BCO1: variants seen among roughly 807,000 people sequenced by gnomAD.
BCO1 encodes the protein beta,beta-carotene 15,15'-dioxygenase.
Under a neutral mutation model 56.3 loss-of-function variants are expected in BCO1, and 54 were observed. That is an observed-to-expected ratio of 0.96 (90% CI 0.77 to 1.20). The LOEUF (loss-of-function observed/expected upper bound fraction) is 1.20, where lower values mean the gene tolerates loss of function less well. BCO1 is among the 50% of genes most tolerant of loss of function. The pLI is 0.00. For missense variants in BCO1, 801 were observed against 690.9 expected, an observed-to-expected ratio of 1.16 and a Z score of -1.79; for synonymous variants, 318 against 266.1, an observed-to-expected ratio of 1.20 and a Z score of -1.90.
At chr16:81,277,134 G>C (rs1457169576) in intron 7 of BCO1, among the ~76,000 whole-genome samples, 1 of 151,520 alleles carries the variant, frequency 6.6e-6, no homozygotes, top group African/African-American at 2.4e-5. Flanking sequence ...GCTAGCGATT[G>C]CCGTTTGGGA....
chr16:81,288,814 C>A (rs1908319401), intron 10 of BCO1, among the ~76,000 whole-genome samples: 1 of 152,198 alleles, frequency 6.6e-6, no homozygotes, highest in African/African-American at 2.4e-5. Context: ...GCCACACCTG[C>A]AAGGAGGGCA....
At chr16:81,251,841 C>A (rs571423974) in intron 2 of BCO1, among the ~76,000 whole-genome samples, 1 of 147,690 alleles carries the variant, frequency 6.8e-6, no homozygotes, top group Admixed American at 6.8e-5. Context: ...TACCCACACA[C>A]ACACACACAC....
intron 1 of BCO1, among the ~76,000 whole-genome samples, chr16:81,242,113 C>A (rs547458649): frequency 1.5e-4 from 23 of 151,984 alleles, no homozygotes; most frequent in South Asian, 4.2e-4. Context: ...TTTCTCAAGC[C>A]TGCCCCCTCT....
chr16:81,261,630 T>C (rs1450436927), intron 3 of BCO1, among the ~76,000 whole-genome samples: 1 of 152,188 alleles, frequency 6.6e-6, no homozygotes, highest in African/African-American at 2.4e-5. Flanking sequence ...TCCGGCCGAC[T>C]CATTTCTTAG....
intron 1 of BCO1, among the ~76,000 whole-genome samples, chr16:81,243,426 T>C (rs895169889): frequency 6.6e-6 from 1 of 151,848 alleles, no homozygotes; most frequent in East Asian, 1.9e-4. Flanking sequence ...CCAGTCTTAC[T>C]AAACAGCTTG....
chr16:81,266,321 C>T (rs1317142076), intron 5 of BCO1, among the ~76,000 whole-genome samples: 1 of 152,178 alleles, frequency 6.6e-6, no homozygotes, highest in Non-Finnish European at 1.5e-5. Flanking sequence ...GTCCAGGACC[C>T]TCCTGGGAAC....
chr16:81,239,444 T>G lies in BCO1; in HGVS notation c.64+472T>G, dbSNP rs74029090. ...ACATTTTCTGTGAAAATCTAGGTAT[T>G]CTTTTACACATTATAACTCCGTTTG... On this transcript the variant is annotated intron_variant, in intron 1 of 10. Coordinates refer to ENST00000258168, the MANE Select transcript of BCO1 (RefSeq NM_017429.3). Among the ~76,000 whole-genome samples the G allele has an allele frequency of 7.5e-3, 1,145 of 152,264 alleles. 16 individuals are homozygous for G. The highest frequency in any genetic ancestry group is 0.026 in the African/African-American group (1,100 of 41,548).
At chr16:81,266,165 T>C (rs917912019) in intron 5 of BCO1, among the ~76,000 whole-genome samples, 3 of 152,230 alleles carry the variant, frequency 2.0e-5, no homozygotes, top group South Asian at 2.1e-4. Context: ...AGCTCAGTCC[T>C]GCTGGGATCC....
chr16:81,257,303 C>T (rs1008092646), intron 2 of BCO1, among the ~76,000 whole-genome samples: 9 of 152,010 alleles, frequency 5.9e-5, no homozygotes, highest in African/African-American at 2.2e-4. Flanking sequence ...CTCGCTCTGT[C>T]GTCCAGGCTA....
chr16:81,271,691 G>A (rs112817848), intron 7 of BCO1, among the ~76,000 whole-genome samples: 98 of 152,216 alleles, frequency 6.4e-4, no homozygotes, highest in African/African-American at 2.2e-3. Flanking sequence ...TGTTGTCAAG[G>A]CTCATCTGTG....
At chr16:81,272,018 G>A (rs1159518494) in intron 7 of BCO1, among the ~76,000 whole-genome samples, 1 of 151,468 alleles carries the variant, frequency 6.6e-6, no homozygotes. Flanking sequence ...AAGTGCTGGG[G>A]TTTCAGGTGT....
At chr16:81,270,592 A>G (rs899949626) in intron 7 of BCO1, among the ~76,000 whole-genome samples, 176 bp downstream of exon 7, 1 of 151,910 alleles carries the variant, frequency 6.6e-6, no homozygotes, top group Non-Finnish European at 1.5e-5. Context: ...ACTTTAGAAA[A>G]TATAGATAAG....
At chr16:81,280,188 G>A (rs1907785335) in intron 7 of BCO1, among the ~76,000 whole-genome samples, 1 of 141,956 alleles carries the variant, frequency 7.0e-6, no homozygotes. Context: ...GATTGAACCT[G>A]GGAGGCAGAG....
chr16:81,246,266 A>T (rs1339794759), intron 2 of BCO1, among the ~76,000 whole-genome samples: 2 of 151,876 alleles, frequency 1.3e-5, no homozygotes, highest in Non-Finnish European at 2.9e-5. Context: ...CATTGAATCC[A>T]CTCAGATAAT....
rs903014787 is a variant in BCO1 at position 81,290,933 on chromosome 16, A to T, written c.*356A>T. On this transcript the variant is annotated 3_prime_UTR_variant, in exon 11 of 11. Coordinates refer to ENST00000258168, the MANE Select transcript of BCO1 (RefSeq NM_017429.3). The stretch of plus-strand genomic sequence containing the variant: ...CACTAACCTATTAGAGAAGAGGCAG[A>T]TAATTATTTATCATTGTGCCTTCCT... 1 of 203,364 alleles carries T rather than the reference A, an allele frequency of 4.9e-6. No homozygotes were observed. The highest frequency in any genetic ancestry group is 1.0e-5 in the Non-Finnish European group (1 of 99,076). The allele number at this position is 203,364 out of a possible 1,614,324, so 12.6% of individuals were successfully genotyped here. A position where few individuals can be genotyped will look rare whatever the true frequency, so the allele number is the denominator to read the frequency against.
intron 7 of BCO1, among the ~76,000 whole-genome samples, chr16:81,272,119 T>C (rs1373206273): frequency 6.8e-6 from 1 of 147,232 alleles, no homozygotes; most frequent in African/African-American, 2.5e-5. Context: ...CTTTCTTTTT[T>C]TTTTTTTTTT....
rs554807832 is a variant in BCO1, at chr16:81,268,636, G to A, written c.843+505G>A. ...CTGAGTGCTCAAAGTATGTATGCAC[G>A]TATTGCATGCTTGTATATGCACATA... On this transcript the variant is annotated intron_variant, in intron 6 of 10. Coordinates refer to ENST00000258168, the MANE Select transcript of BCO1 (RefSeq NM_017429.3). Among the ~76,000 whole-genome samples, 256 of 152,280 alleles carry A rather than the reference G, an allele frequency of 1.7e-3. 2 individuals carry two copies. Among genetic ancestry groups the A allele is most frequent in the Admixed American group, 8.1e-3 (124 of 15,302 alleles).
intron 2 of BCO1, among the ~76,000 whole-genome samples, chr16:81,257,614 G>A (rs1906222855): frequency 1.3e-5 from 2 of 150,034 alleles, no homozygotes; most frequent in East Asian, 4.1e-4. Flanking sequence ...CTAGGCAAAC[G>A]CCTGTAATCC....
chr16:81,252,507 C>T (rs988000910), intron 2 of BCO1, among the ~76,000 whole-genome samples: 3 of 152,186 alleles, frequency 2.0e-5, no homozygotes, highest in Non-Finnish European at 2.9e-5. Context: ...CCACCTGCCT[C>T]GGCCTCCCAA....
Sources: allele counts gnomAD v4.1 joint callset (sites outside exome capture counted in the v4.1 genomes callset), GRCh38; gene constraint gnomAD v4.1.1; transcripts MANE v1.5; gene names NCBI Gene and HGNC (gene_info 2026-07-23, HGNC 2026-07-21).